Variants in OXR1 observed in about 807,000 individuals in gnomAD.
OXR1 encodes the protein oxidation resistance protein 1.
In OXR1, 41 loss-of-function variants were observed where a neutral mutation model predicts 104.6. The observed-to-expected ratio is 0.39, with a 90% confidence interval of 0.31 to 0.51. The LOEUF (loss-of-function observed/expected upper bound fraction) is 0.51, where lower values mean the gene tolerates loss of function less well. Ranked by LOEUF, OXR1 falls within the 20% of genes least tolerant of loss-of-function variation. The pLI, the probability that OXR1 is intolerant of heterozygous loss-of-function variation, is 0.77. For missense variants in OXR1, 955 were observed against 1,031.9 expected, an observed-to-expected ratio of 0.93 and a Z score of 1.02; for synonymous variants, 348 against 348.4, an observed-to-expected ratio of 1.00 and a Z score of 0.01.
At chr8:106,382,954 TG>T (rs1817216894) in intron 2 of OXR1, among the ~76,000 whole-genome samples, 1 of 151,854 alleles carries the variant, frequency 6.6e-6, no homozygotes, top group African/African-American at 2.4e-5. Context: ...TCTGATTTTG[TG>T]CATCTATAGT....
At position 106,751,844 on chromosome 8, in the gene OXR1, T is replaced by C. The variant is rs1159306850; in HGVS notation, c.*903T>C. ...CCTTATTGCACACCAACTCCCAAAA[T>C]ATAGGTTACTCTTGTTCAAAAGGAA... On this transcript the variant is annotated 3_prime_UTR_variant, in exon 17 of 17. Coordinates refer to ENST00000517566, the MANE Select transcript of OXR1 (RefSeq NM_001198533.2). 1 of 152,436 alleles carries C rather than the reference T, an allele frequency of 6.6e-6. No individual in the cohort carries two copies. Among genetic ancestry groups the C allele is most frequent in the African/African-American group, 2.4e-5 (1 of 41,420 alleles). 9.4% of individuals were successfully genotyped at this position (152,436 alleles called of 1,614,324 possible).
chr8:106,453,026 G>C (rs1309105974), intron 2 of OXR1, among the ~76,000 whole-genome samples: 1 of 152,064 alleles, frequency 6.6e-6, no homozygotes, highest in Admixed American at 6.6e-5. Context: ...TCACCTCTTT[G>C]TTTTTGCACA....
chr8:106,301,003 C>T (rs772105070), intron 1 of OXR1, among the ~76,000 whole-genome samples: 2 of 152,108 alleles, frequency 1.3e-5, no homozygotes, highest in Non-Finnish European at 2.9e-5. Context: ...TTCAGAGTGA[C>T]TCAAACCCAT....
chr8:106,305,990 T>A (rs957413346), intron 1 of OXR1, among the ~76,000 whole-genome samples: 1 of 152,052 alleles, frequency 6.6e-6, no homozygotes, highest in Non-Finnish European at 1.5e-5. Flanking sequence ...CATGTTTGAG[T>A]TATTTCTTAT....
chr8:106,688,300 A>G (rs1828939855), intron 6 of OXR1, among the ~76,000 whole-genome samples: 1 of 152,142 alleles, frequency 6.6e-6, no homozygotes, highest in Admixed American at 6.5e-5. Context: ...GGATATGCAG[A>G]TAGTCATATT....
chr8:106,657,723 T>G (rs1442306782), intron 3 of OXR1: 8 of 576,376 alleles, frequency 1.4e-5, no homozygotes, highest in Non-Finnish European at 2.0e-5. Context: ...AGCTAAGTTC[T>G]GCCTCATTTT....
At chr8:106,339,422 C>G (rs2221355) in intron 1 of OXR1, among the ~76,000 whole-genome samples, 44,129 of 140,442 alleles carry the variant, frequency 0.31, 9,242 homozygotes, top group African/African-American at 0.61. Context: ...GTGAACCTGG[C>G]AGGCGGAGCT....
chr8:106,750,597 T>G (rs1835819539), intron 16 of OXR1, among the ~76,000 whole-genome samples: 1 of 152,178 alleles, frequency 6.6e-6, no homozygotes, highest in Non-Finnish European at 1.5e-5. Context: ...CCCAAAGTGC[T>G]GGGATTACAG....
At chr8:106,311,500 T>G (rs1330596141) in intron 1 of OXR1, among the ~76,000 whole-genome samples, 2 of 152,184 alleles carry the variant, frequency 1.3e-5, no homozygotes, top group African/African-American at 4.8e-5. Flanking sequence ...TCTAGGTATT[T>G]TTGTCCTGTG....
chr8:106,739,072 G>GCACACACACACACACACACACACACACA (rs1563762636), intron 12 of OXR1, among the ~76,000 whole-genome samples: 1 of 73,346 alleles, frequency 1.4e-5, no homozygotes, highest in African/African-American at 5.2e-5. Context: ...ATTTTAAATA[G>GCACACACACACACACACACACACACACA]CATACACACA....
At chr8:106,606,567 C>T (rs1392302519) in intron 3 of OXR1, among the ~76,000 whole-genome samples, 1 of 151,762 alleles carries the variant, frequency 6.6e-6, no homozygotes, top group Non-Finnish European at 1.5e-5. Context: ...CCGCTTCAGC[C>T]TCTCAAAGTG....
At chr8:106,638,188 T>C (rs910308651) in intron 3 of OXR1, among the ~76,000 whole-genome samples, 2 of 152,222 alleles carry the variant, frequency 1.3e-5, no homozygotes, top group Non-Finnish European at 2.9e-5. Context: ...CTTCAGCTTC[T>C]TTCTAACATT....
intron 1 of OXR1, among the ~76,000 whole-genome samples, chr8:106,336,353 G>A (rs1381473231): frequency 6.6e-6 from 1 of 152,186 alleles, no homozygotes; most frequent in Non-Finnish European, 1.5e-5. Context: ...TAGAGATTCA[G>A]CAATTCCAAT....
At chr8:106,649,344 G>T (rs1442506989) in intron 3 of OXR1, among the ~76,000 whole-genome samples, 1 of 151,670 alleles carries the variant, frequency 6.6e-6, no homozygotes, top group East Asian at 1.9e-4. Flanking sequence ...AAAATTTACA[G>T]AAGGATATAC....
chr8:106,277,308 C>T (rs1812088778), intron 1 of OXR1, among the ~76,000 whole-genome samples: 1 of 152,142 alleles, frequency 6.6e-6, no homozygotes, highest in African/African-American at 2.4e-5. Flanking sequence ...TTACTTTCTA[C>T]CTTACTACTT....
chr8:106,496,492 C>T (rs1363716885), intron 2 of OXR1, among the ~76,000 whole-genome samples: 1 of 152,148 alleles, frequency 6.6e-6, no homozygotes, highest in Non-Finnish European at 1.5e-5. Flanking sequence ...TCCATGTCTC[C>T]TCAATCCAGG....
chr8:106,350,091 G>A (rs1413613852), intron 1 of OXR1, among the ~76,000 whole-genome samples: 1 of 152,094 alleles, frequency 6.6e-6, no homozygotes, highest in East Asian at 1.9e-4. Flanking sequence ...AGGAAAGATT[G>A]TACAGAATCA....
intron 3 of OXR1, among the ~76,000 whole-genome samples, chr8:106,665,726 A>G (rs1398389348): frequency 6.6e-6 from 1 of 152,084 alleles, no homozygotes; most frequent in Non-Finnish European, 1.5e-5. Flanking sequence ...ACATTAGGAG[A>G]CTCTTTATAA....
chr8:106,325,392 G>A (rs1246998839), intron 1 of OXR1, among the ~76,000 whole-genome samples: 2 of 152,138 alleles, frequency 1.3e-5, no homozygotes, highest in Non-Finnish European at 2.9e-5. Context: ...GAGAAAATAT[G>A]GTGTAATGGT....
Sources: gnomAD v4.1 joint callset for allele counts (sites outside exome capture counted in the v4.1 genomes callset) on GRCh38, gnomAD v4.1.1 for gene constraint, MANE v1.5 for transcripts, NCBI Gene and HGNC (gene_info 2026-07-23, HGNC 2026-07-21) for gene names.